The following EML6 variants were observed in gnomAD, a reference collection of about 807,000 sequenced individuals.
EML6 encodes echinoderm microtubule-associated protein-like 6.
EML6 carries 154 observed loss-of-function variants against 240.1 expected under a neutral mutation model. The observed-to-expected ratio is 0.64, with a 90% CI of 0.56 to 0.73. The LOEUF is 0.73. Among genes scored for constraint, EML6 ranks in the 30% least tolerant of loss-of-function variants. The pLI, the probability that EML6 is intolerant of heterozygous loss-of-function variation, is 0.00. For missense variants in EML6, 2,964 were observed against 2,474.6 expected (o/e 1.20, Z -4.20); for synonymous variants, 1,148 against 899.0 (o/e 1.28, Z -4.95).
intron 32 of EML6, among the ~76,000 whole-genome samples, chr2:54,956,030 T>TGC (rs1452512210): frequency 6.6e-6 from 1 of 151,882 alleles, no homozygotes; most frequent in Non-Finnish European, 1.5e-5. Context: ...TGTGTGTGTG[T>TGC]GTGTGTAGGT....
At position 54,742,219 on chromosome 2, in the gene EML6, C is replaced by T. The variant is rs190629734; in HGVS notation, c.197+16961C>T. ...GGCCAACTCTATTGCTTCTGGAATG[C>T]GACCCTACCCCCACCTTTTTGCCAT... is the stretch of plus-strand genomic sequence containing the variant. On this transcript the variant is annotated intron_variant, in intron 2 of 41. Transcript: ENST00000356458. Among the ~76,000 whole-genome samples, 32 of 152,286 alleles carry T rather than the reference C, an allele frequency of 2.1e-4. No homozygotes were observed. In the East Asian group the frequency reaches 5.4e-3, roughly 26 times the overall value.
chr2:54,851,209 A>T (rs190156198), intron 10 of EML6, among the ~76,000 whole-genome samples: 1 of 152,128 alleles, frequency 6.6e-6, no homozygotes, highest in Admixed American at 6.5e-5. Context: ...AGGAGTTCGA[A>T]ATCAACCTGG....
intron 35 of EML6, among the ~76,000 whole-genome samples, chr2:54,960,966 C>T (rs1226893942): frequency 6.6e-6 from 1 of 152,008 alleles, no homozygotes; most frequent in African/African-American, 2.4e-5. Context: ...AGCCAATCTC[C>T]AAACTTCTAT....
At chr2:54,775,939 A>G (rs993813648) in intron 2 of EML6, among the ~76,000 whole-genome samples, 4 of 152,230 alleles carry the variant, frequency 2.6e-5, no homozygotes, top group African/African-American at 9.6e-5. Flanking sequence ...TTACTTGGTC[A>G]TGATACACAA....
intron 35 of EML6, 22 bp downstream of exon 35, chr2:54,960,356 G>C: frequency 6.5e-7 from 1 of 1,528,232 alleles, no homozygotes. Flanking sequence ...CAGCTCCCCT[G>C]GGGGCTGGGC....
intron 17 of EML6, among the ~76,000 whole-genome samples, chr2:54,887,700 TTC>T (rs1243945643): frequency 2.6e-5 from 4 of 152,188 alleles, no homozygotes; most frequent in Non-Finnish European, 5.9e-5. Context: ...AGGTCCAGCT[TTC>T]TGTTTTTTCC....
intron 31 of EML6, among the ~76,000 whole-genome samples, chr2:54,953,450 C>G (rs1403766746): frequency 6.6e-6 from 1 of 152,152 alleles, no homozygotes; most frequent in African/African-American, 2.4e-5. Flanking sequence ...GTATAAAATC[C>G]TCTGCAAGTG....
chr2:54,935,628 T>A (rs4341981), intron 28 of EML6, among the ~76,000 whole-genome samples: 136,769 of 152,280 alleles, frequency 0.9, 61,462 homozygotes, highest in African/African-American at 0.9. Context: ...CAATCAACTT[T>A]TAAAATACAT....
At chr2:54,741,587 C>T (rs910425419) in intron 2 of EML6, among the ~76,000 whole-genome samples, 3 of 152,126 alleles carry the variant, frequency 2.0e-5, no homozygotes. Flanking sequence ...GAACAGAACT[C>T]CTTGGAGAAA....
intron 35 of EML6, among the ~76,000 whole-genome samples, chr2:54,961,294 C>T (rs996884077): frequency 2.7e-5 from 4 of 149,588 alleles, no homozygotes; most frequent in African/African-American, 9.9e-5. Context: ...GAGCGATTCT[C>T]CTGCCTCAGC....
chr2:54,853,598 A>G (rs1670210520), intron 10 of EML6, 45 bp from the exon 11 acceptor site: 2 of 1,193,936 alleles, frequency 1.7e-6, no homozygotes, highest in East Asian at 5.4e-5. Context: ...ATAAATTAGA[A>G]TAAACTTTTT....
chr2:54,725,170 G>A lies in EML6; in HGVS notation c.109G>A (p.Val37Ile). The A allele has an allele frequency of 2.0e-6, 3 of 1,532,620 alleles. No homozygotes were observed. The highest frequency in any genetic ancestry group is 2.6e-6 in the Non-Finnish European group (3 of 1,137,606). The allele number at this position is 1,532,620 out of a possible 1,614,324, so 94.9% of individuals were successfully genotyped here. The change falls in exon 2 of 42, where the codon GTC becomes ATC. Residue 37 changes from valine to isoleucine, a missense_variant. Physicochemically the swap from Val to Ile is conservative, Grantham distance 29. Coordinates refer to ENST00000356458, the MANE Select transcript of EML6 (RefSeq NM_001039753.4). The surrounding 1 kb of genome is among the most constrained non-coding windows in gnomAD (Gnocchi z 4.3). Reference protein sequence around the residue: ...NLYYTAGKEVVYFVAGVGVVY... With the variant: ...NLYYTAGKEVIYFVAGVGVVY... Reference sequence around the variant, plus strand: ...GTACTACACGGCAGGCAAGGAGGTGGTCTACTTTGTGGCTGGGGTCGGGGT... The same window carrying A: ...GTACTACACGGCAGGCAAGGAGGTGATCTACTTTGTGGCTGGGGTCGGGGT...
intron 2 of EML6, among the ~76,000 whole-genome samples, chr2:54,769,570 AC>A (rs1437476960): frequency 1.3e-5 from 2 of 149,174 alleles, no homozygotes; most frequent in Non-Finnish European, 1.5e-5. Flanking sequence ...AATTTTATAT[AC>A]TTTATTGAGG....
chr2:54,930,580 G>GT (rs1468908466), intron 28 of EML6, among the ~76,000 whole-genome samples: 1 of 151,946 alleles, frequency 6.6e-6, no homozygotes, highest in Non-Finnish European at 1.5e-5. Context: ...AGGCAGTTCA[G>GT]TAGTTTACTG....
chr2:54,736,367 T>C (rs562392006), intron 2 of EML6, among the ~76,000 whole-genome samples: 19 of 152,346 alleles, frequency 1.2e-4, no homozygotes, highest in Admixed American at 9.1e-4. Flanking sequence ...GCATGGGGAT[T>C]GGGGTCCCAT....
In EML6 at chr2:54,730,920, C is replaced by T. The variant is rs79785810; in HGVS notation, c.197+5662C>T. Among the ~76,000 whole-genome samples the T allele has an allele frequency of 6.2e-4, 95 of 152,126 alleles. 1 individual carries two copies. Among genetic ancestry groups the T allele is most frequent in the African/African-American group, 1.7e-3 (69 of 41,486 alleles). On this transcript the variant is annotated intron_variant, in intron 2 of 41. Transcript: ENST00000356458. ...TCGAAGCTTACTTTCTGATGGGGGA[C>T]GCCAACAGTGAATGGACAAGAAAAT...
intron 25 of EML6, among the ~76,000 whole-genome samples, chr2:54,911,537 C>T (rs751776746): frequency 5.9e-5 from 9 of 151,456 alleles, no homozygotes; most frequent in African/African-American, 2.2e-4. Context: ...TAATGTGATT[C>T]TCCCACCACA....
chr2:54,853,199 G>C (rs1283815898), intron 10 of EML6, among the ~76,000 whole-genome samples: 1 of 152,082 alleles, frequency 6.6e-6, no homozygotes, highest in East Asian at 1.9e-4. Flanking sequence ...AAGCGTTGGT[G>C]ACTAAACATG....
chr2:54,825,709 C>G (rs1290331443), intron 5 of EML6, among the ~76,000 whole-genome samples: 1 of 152,194 alleles, frequency 6.6e-6, no homozygotes, highest in African/African-American at 2.4e-5. Flanking sequence ...CAAGGCATCC[C>G]TCTATTCCTT....
Sources: gnomAD v4.1 joint callset for allele counts (sites outside exome capture counted in the v4.1 genomes callset) on GRCh38, gnomAD v4.1.1 for gene constraint, Gnocchi (gnomAD v3.1) non-coding constraint, MANE v1.5 for transcripts, NCBI Gene and HGNC (gene_info 2026-07-23, HGNC 2026-07-21) for gene names.